Variants in HYCC2 observed in about 807,000 individuals in gnomAD.
The protein encoded by HYCC2 is hyccin 2.
chr2:200,977,925 G>A, the HYCC2 span: 2 of 152,128 alleles, frequency 1.3e-5, no homozygotes, highest in Admixed American at 6.5e-5. Context: ...ATGTCAGAGC[G>A]AGCTCCCAAA....
chr2:201,066,997 A>G, the HYCC2 span: 1 of 328,928 alleles, frequency 3.0e-6, no homozygotes, highest in Non-Finnish European at 6.0e-6. Flanking sequence ...AGAAGATAGA[A>G]GACAACATAT....
the HYCC2 span, chr2:200,992,387 T>C: frequency 6.9e-7 from 1 of 1,452,744 alleles, no homozygotes; most frequent in Non-Finnish European, 9.7e-7. Flanking sequence ...AAGCAGATCA[T>C]TTATACTCTT....
At chr2:201,032,610 G>C in the HYCC2 span, among the ~76,000 whole-genome samples, 1 of 152,066 alleles carries the variant, frequency 6.6e-6, no homozygotes, top group Non-Finnish European at 1.5e-5. Flanking sequence ...ATGCAATTAC[G>C]ATTGAGATTC....
At chr2:201,027,242 C>T in the HYCC2 span, among the ~76,000 whole-genome samples, 11 of 152,122 alleles carry the variant, frequency 7.2e-5, no homozygotes, top group Admixed American at 2.0e-4. Flanking sequence ...TGGACACATA[C>T]ACCCTCCTGA....
the HYCC2 span, among the ~76,000 whole-genome samples, chr2:201,000,686 A>G: frequency 1.3e-5 from 2 of 152,216 alleles, no homozygotes; most frequent in South Asian, 4.1e-4. Flanking sequence ...GTGTTGAATT[A>G]CCATATGACC....
the HYCC2 span, among the ~76,000 whole-genome samples, chr2:201,042,730 G>T: frequency 2.7e-5 from 4 of 150,600 alleles, no homozygotes; most frequent in Admixed American, 2.6e-4. Flanking sequence ...CAGCCGCCCC[G>T]TCCGGGAGGT....
At chr2:201,032,012 A>G in the HYCC2 span, among the ~76,000 whole-genome samples, 1 of 151,788 alleles carries the variant, frequency 6.6e-6, no homozygotes, top group East Asian at 1.9e-4. Flanking sequence ...CCCAGGCTGG[A>G]GTGTAGTGGC....
chr2:201,035,226 C>T, the HYCC2 span, among the ~76,000 whole-genome samples: 2,766 of 152,318 alleles, frequency 0.018, 56 homozygotes, highest in South Asian at 0.027. Flanking sequence ...CTCCCCGTCA[C>T]TTTCAGGTAC....
chr2:201,059,291 G>A, the HYCC2 span, among the ~76,000 whole-genome samples: 1 of 152,118 alleles, frequency 6.6e-6, no homozygotes, highest in Non-Finnish European at 1.5e-5. Flanking sequence ...GGAAAACCCT[G>A]ATGAATATAG....
the HYCC2 span, among the ~76,000 whole-genome samples, chr2:201,032,118 G>A: frequency 6.6e-6 from 1 of 151,884 alleles, no homozygotes; most frequent in Non-Finnish European, 1.5e-5. Flanking sequence ...GTGCCACCAT[G>A]CCCGGCTAAT....
the HYCC2 span, among the ~76,000 whole-genome samples, chr2:201,064,221 T>C: frequency 1.3e-5 from 2 of 152,164 alleles, no homozygotes; most frequent in Non-Finnish European, 2.9e-5. Context: ...ACTCGAGGAC[T>C]GTATTTGTGA....
chr2:201,026,134 T>A, the HYCC2 span, among the ~76,000 whole-genome samples: 252 of 151,450 alleles, frequency 1.7e-3, no homozygotes, highest in African/African-American at 4.9e-3. Flanking sequence ...ACCAAGCAAA[T>A]GGAAAACAAA....
At chr2:201,070,565 T>G in the HYCC2 span, among the ~76,000 whole-genome samples, 1 of 151,902 alleles carries the variant, frequency 6.6e-6, no homozygotes, top group Non-Finnish European at 1.5e-5. Flanking sequence ...GGCAGGAGAA[T>G]GGCTTGAACC....
chr2:201,001,154 A>G, the HYCC2 span, among the ~76,000 whole-genome samples: 2 of 151,396 alleles, frequency 1.3e-5, no homozygotes, highest in African/African-American at 4.9e-5. Flanking sequence ...AAAAAAAAAA[A>G]AGAGATGGGG....
chr2:201,004,063 G>A, the HYCC2 span, among the ~76,000 whole-genome samples: 3 of 151,954 alleles, frequency 2.0e-5, no homozygotes, highest in African/African-American at 4.8e-5. Context: ...TGATCCACCC[G>A]CCTCAGCCTC....
the HYCC2 span, among the ~76,000 whole-genome samples, chr2:201,070,222 A>T: frequency 2.6e-5 from 4 of 152,180 alleles, no homozygotes; most frequent in Non-Finnish European, 5.9e-5. Flanking sequence ...AAATTTTTTT[A>T]AATAAGATAA....
the HYCC2 span, chr2:201,063,581 C>G: frequency 6.3e-7 from 1 of 1,584,000 alleles, no homozygotes; most frequent in Non-Finnish European, 8.6e-7. Context: ...GATTGTCATT[C>G]AGAAATACCA....
chr2:200,990,858 C>T, the HYCC2 span, among the ~76,000 whole-genome samples: 1 of 151,972 alleles, frequency 6.6e-6, no homozygotes, highest in Non-Finnish European at 1.5e-5. Flanking sequence ...GTGTGAGCCA[C>T]AGCCCCTGGC....
At chr2:201,003,641 G>A in the HYCC2 span, among the ~76,000 whole-genome samples, 32 of 151,322 alleles carry the variant, frequency 2.1e-4, no homozygotes, top group Non-Finnish European at 2.2e-4. Flanking sequence ...CCTGGGAGGC[G>A]GAGGTTGCAG....
Sources: allele counts gnomAD v4.1 joint callset (sites outside exome capture counted in the v4.1 genomes callset), GRCh38; gene constraint gnomAD v4.1.1; transcripts MANE v1.5; gene names NCBI Gene and HGNC (gene_info 2026-07-23, HGNC 2026-07-21).